Variants in CHTOP observed in about 807,000 individuals in gnomAD.
CHTOP encodes the protein chromatin target of PRMT1 protein.
Under a neutral mutation model 33.6 loss-of-function variants are expected in CHTOP, and 18 were observed. The ratio of observed to expected loss-of-function variants is 0.54; its 90% CI spans 0.37 to 0.80. The LOEUF is 0.80. Among genes scored for constraint, CHTOP ranks in the 30% least tolerant of loss-of-function variants. The probability of loss-of-function intolerance (pLI) is 0.00; values close to 1 mark genes in which losing one functional copy is unlikely to be tolerated. For synonymous variants in CHTOP, 117 were observed against 127.7 expected (o/e 0.92, Z 0.56); for missense variants, 263 against 336.8 (o/e 0.78, Z 1.71).
chr1:153,641,794 T>G (rs541812179), intron 3 of CHTOP, among the ~76,000 whole-genome samples: 1 of 152,324 alleles, frequency 6.6e-6, no homozygotes, highest in East Asian at 1.9e-4. Flanking sequence ...GCCCAGAGTG[T>G]GATGAACTTC....
In CHTOP at chr1:153,642,269, G is replaced by C. The variant is rs1668651696; in HGVS notation, c.243G>C (p.Lys81Asn). The stretch of plus-strand genomic sequence containing the variant: ...AGAGCTTAAAGCAGCGCCTGGGTAA[G>C]AGTAACATCCAGGCACGGTTAGGCC... ...LKQSLKQRLG[K>N]SNIQARLGRP... The change falls in exon 4 of 6, where the codon AAG (lysine) becomes AAC (asparagine). Residue 81 changes from lysine (K) to asparagine (N), a missense_variant. Transcript: ENST00000368694. The C allele has an allele frequency of 6.2e-7, 1 of 1,613,632 alleles. No individual in the cohort carries two copies. The highest frequency in any genetic ancestry group is 8.5e-7 in the Non-Finnish European group (1 of 1,179,754).
chr1:153,636,835 T>C, intron 2 of CHTOP, 182 bp downstream of exon 2: 1 of 577,708 alleles, frequency 1.7e-6, no homozygotes, highest in Middle Eastern at 3.2e-4. Flanking sequence ...AAACCCCTTA[T>C]CAGTAGACTT....
chr1:153,643,401 T>G (rs748105602), intron 5 of CHTOP, 37 bp downstream of exon 5: 1 of 1,475,322 alleles, frequency 6.8e-7, no homozygotes, highest in East Asian at 2.5e-5. Flanking sequence ...TAGCTCCCCC[T>G]TACTTTCCTC....
At chr1:153,640,973 A>T (rs888364547) in intron 3 of CHTOP, among the ~76,000 whole-genome samples, 3 of 152,224 alleles carry the variant, frequency 2.0e-5, no homozygotes, top group Non-Finnish European at 2.9e-5. Flanking sequence ...AAAGCTTGGG[A>T]GAATTAATAT....
chr1:153,642,531 G>A, intron 4 of CHTOP, 102 bp downstream of exon 4: 1 of 885,458 alleles, frequency 1.1e-6, no homozygotes, highest in Non-Finnish European at 1.7e-6. Context: ...GCCTGAATTT[G>A]TATTAATATA....
In CHTOP at chr1:153,638,373, C is replaced by G; in HGVS notation, c.144C>G (p.Ala48=). Residue 48 remains alanine, a synonymous_variant, in exon 3 of 6, where the codon GCC becomes GCG. Coordinates refer to ENST00000368694, the MANE Select transcript of CHTOP (RefSeq NM_015607.4). The part of the protein sequence containing the change: ...RASMQQQQQL[A]SARNRRLAQQ... The stretch of plus-strand genomic sequence containing the variant: ...CGATGCAGCAACAACAGCAGCTAGC[C>G]AGTGCCAGAAACAGAAGACTGGCCC... 6.2e-7 allele frequency: 1 copy of G among 1,614,196 alleles called. No individual in the cohort carries two copies. The highest frequency in any genetic ancestry group is 8.5e-7 in the Non-Finnish European group (1 of 1,180,018).
At chr1:153,634,559 A>G (rs1012440928) in intron 1 of CHTOP, among the ~76,000 whole-genome samples, 3 of 59,648 alleles carry the variant, frequency 5.0e-5, no homozygotes, top group African/African-American at 1.8e-4. Flanking sequence ...TTGATAGGAT[A>G]AAAAGGAAAC....
chr1:153,637,415 T>A (rs1668445418), intron 2 of CHTOP: 1 of 152,200 alleles, frequency 6.6e-6, no homozygotes, highest in South Asian at 2.1e-4. Context: ...TTTGGCAGGC[T>A]GAGGCGGGCG....
In CHTOP at chr1:153,642,346, T is replaced by C; in HGVS notation, c.320T>C (p.Ile107Thr). ...RGAIGGRGLPIIQRGLPRGGL... is the reference protein window; with the variant it reads ...RGAIGGRGLPTIQRGLPRGGL... ...GCAATCGGAGGACGAGGCCTACCCA[T>C]AATCCAGAGAGGCTTGCCCAGAGGA... The change falls in exon 4 of 6, where the codon ATA becomes ACA. Residue 107 changes from isoleucine (I) to threonine (T), a missense_variant. Physicochemically the swap from Ile to Thr is moderately conservative, Grantham distance 89 (BLOSUM62 -1). Transcript: ENST00000368694. 3.1e-6 allele frequency: 5 copies of C among 1,614,162 alleles called. No homozygotes were observed. The highest frequency in any genetic ancestry group is 4.2e-6 in the Non-Finnish European group (5 of 1,180,022).
At chr1:153,636,303 G>A (rs1668398923) in intron 1 of CHTOP, among the ~76,000 whole-genome samples, 1 of 150,690 alleles carries the variant, frequency 6.6e-6, no homozygotes, top group Admixed American at 6.6e-5. Context: ...GGGTCCCAGT[G>A]ATCCCAACAC....
Position 153,645,243 on chromosome 1 carries a change from C to G in CHTOP, c.721C>G (p.Gln241Glu). The change falls in exon 6 of 6, where the codon CAG becomes GAG. Residue 241 changes from glutamine to glutamate, a missense_variant. Physicochemically the swap from Gln to Glu is conservative, Grantham distance 29 (BLOSUM62 2). Around this residue, in one of 3 missense-constraint regions of CHTOP, gnomAD observed 22 missense variants for 47.9 expected, o/e 0.46. Transcript: ENST00000368694. ...LDAELDAYMA[Q>E]TDPETND ...TGCTGAGTTGGATGCCTACATGGCG[C>G]AGACAGATCCCGAAACCAATGATTG... is the stretch of plus-strand genomic sequence containing the variant. 6.2e-7 allele frequency: 1 copy of G among 1,614,210 alleles called. No individual in the cohort carries two copies. Among genetic ancestry groups the G allele is most frequent in the Non-Finnish European group, 8.5e-7 (1 of 1,180,040 alleles).
rs779817736 is a variant in CHTOP at position 153,636,609 on chromosome 1, G to A, written c.21G>A (p.Pro7=). The change falls in exon 2 of 6, where the codon CCG becomes CCA. Residue 7 remains proline (P), a synonymous_variant. Coordinates refer to ENST00000368694, the MANE Select transcript of CHTOP (RefSeq NM_015607.4). The part of the protein sequence containing the change: MAAQSA[P]KVVLKSTTKM... Reference sequence around the variant, plus strand: ...CGAAGATGGCTGCACAGTCAGCGCCGAAAGTTGTGCTAAAAAGCACCACCA... The same window carrying A: ...CGAAGATGGCTGCACAGTCAGCGCCAAAAGTTGTGCTAAAAAGCACCACCA... 135 of 1,613,444 alleles carry A rather than the reference G, an allele frequency of 8.4e-5. No homozygotes were observed. The highest frequency in any genetic ancestry group is 1.6e-4 in the Middle Eastern group (1 of 6,084).
chr1:153,638,721 T>G (rs971769051), intron 3 of CHTOP, among the ~76,000 whole-genome samples: 2 of 152,340 alleles, frequency 1.3e-5, no homozygotes, highest in African/African-American at 4.8e-5. Context: ...CCTTAACCCT[T>G]AACATAGATT....
At chr1:153,635,154 C>T (rs1210033919) in intron 1 of CHTOP, among the ~76,000 whole-genome samples, 1 of 151,766 alleles carries the variant, frequency 6.6e-6, no homozygotes, top group South Asian at 2.1e-4. Flanking sequence ...CCGGCCCTGC[C>T]TGTATTTTCA....
chr1:153,644,131 G>C (rs1320447071), intron 5 of CHTOP: 2 of 152,154 alleles, frequency 1.3e-5, no homozygotes, highest in Non-Finnish European at 2.9e-5. Flanking sequence ...ATTTGCTTTG[G>C]TTCTCTTAAA....
chr1:153,643,590 C>A, intron 5 of CHTOP: 1 of 399,850 alleles, frequency 2.5e-6, no homozygotes, highest in African/African-American at 2.1e-5. Context: ...GATTATATGC[C>A]ATCTTCCTCC....
At position 153,638,337 on chromosome 1, in the gene CHTOP, T is replaced by C. The variant is rs1668487670; in HGVS notation, c.108T>C (p.Asn36=). ...MLKNKQPTPV[N]IRASMQQQQQ... Reference sequence around the variant, plus strand: ...AGAACAAACAGCCGACGCCAGTGAATATTCGGGCTTCGATGCAGCAACAAC... The same window carrying C: ...AGAACAAACAGCCGACGCCAGTGAACATTCGGGCTTCGATGCAGCAACAAC... Residue 36 remains asparagine (N), a synonymous_variant, in exon 3 of 6, where the codon AAT becomes AAC. Coordinates refer to ENST00000368694, the MANE Select transcript of CHTOP (RefSeq NM_015607.4). 4.3e-6 allele frequency: 7 copies of C among 1,614,210 alleles called. No individual in the cohort carries two copies. The highest frequency in any genetic ancestry group is 5.9e-6 in the Non-Finnish European group (7 of 1,180,034).
chr1:153,638,533 AT>A lies in CHTOP; in HGVS notation c.219+87del, dbSNP rs1206733443. 2.7e-6 allele frequency: 4 copies of A among 1,497,786 alleles called. No homozygotes were observed. The South Asian group carries it at 4.6e-5, about 17-fold the overall frequency. 92.8% of individuals were successfully genotyped at this position (1,497,786 alleles called of 1,614,324 possible). A position where few individuals can be genotyped will look rare whatever the true frequency, so the allele number is the denominator to read the frequency against. On this transcript the variant is annotated intron_variant, in intron 3 of 5. Coordinates refer to ENST00000368694, the MANE Select transcript of CHTOP (RefSeq NM_015607.4). ...TGAGGCTGTCAGGACGTGATGGATG[AT>A]TGCAAAGTGGCTCAGGGCAAAAAGC... is the stretch of plus-strand genomic sequence containing the variant.
rs765927765 is a variant in CHTOP at position 153,645,266 on chromosome 1, T to C, written c.744T>C (p.Asp248=). 6 of 1,614,048 alleles carry C rather than the reference T, an allele frequency of 3.7e-6. No individual in the cohort carries two copies. The highest frequency in any genetic ancestry group is 2.2e-5 in the South Asian group (2 of 91,092). Residue 248 remains aspartate, a synonymous_variant, in exon 6 of 6, where the codon GAT becomes GAC. Transcript: ENST00000368694. ...YMAQTDPETN[D] ...CGCAGACAGATCCCGAAACCAATGATTGAAGCCTGCCCATCCTCCCATGAG... is the reference window on the plus strand; with the variant it reads ...CGCAGACAGATCCCGAAACCAATGACTGAAGCCTGCCCATCCTCCCATGAG...
Sources: allele counts gnomAD v4.1 joint callset (sites outside exome capture counted in the v4.1 genomes callset), GRCh38; gene constraint gnomAD v4.1.1; regional missense constraint gnomAD v4.1.1; transcripts MANE v1.5; gene names NCBI Gene and HGNC (gene_info 2026-07-23, HGNC 2026-07-21).